SLIT2: variants seen among roughly 807,000 people sequenced by gnomAD.
SLIT2 encodes the protein slit guidance ligand 2, also known as slit homolog 2 protein.
In SLIT2, 41 loss-of-function variants were observed where a neutral mutation model predicts 185.7. That is an observed-to-expected ratio of 0.22 (90% CI 0.17 to 0.29). The LOEUF (loss-of-function observed/expected upper bound fraction) is 0.29. Ranked by LOEUF, SLIT2 falls within the 10% of genes least tolerant of loss-of-function variation. The pLI is 1.00. For synonymous variants in SLIT2, 693 were observed against 680.2 expected (o/e 1.02, Z -0.29); for missense variants, 1,571 against 1,909.0 (o/e 0.82, Z 3.30).
At chr4:20,374,812 G>C (rs1215939687) in intron 4 of SLIT2, among the ~76,000 whole-genome samples, 1 of 151,954 alleles carries the variant, frequency 6.6e-6, no homozygotes, top group Non-Finnish European at 1.5e-5. Context: ...TTAATGCATG[G>C]TTTCTTCGCT....
At chr4:20,257,781 G>A in intron 2 of SLIT2, 87 bp from the exon 3 acceptor site, 1 of 733,026 alleles carries the variant, frequency 1.4e-6, no homozygotes, top group Non-Finnish European at 2.4e-6. Context: ...TAAAGGGAAA[G>A]AGTTTACAAG....
chr4:20,414,367 C>G (rs1249967910), intron 4 of SLIT2, among the ~76,000 whole-genome samples: 1 of 152,078 alleles, frequency 6.6e-6, no homozygotes, highest in African/African-American at 2.4e-5. Flanking sequence ...TTGCTTTATG[C>G]AGTTGTTTTT....
intron 32 of SLIT2, 64 bp from the exon 33 acceptor site, chr4:20,598,201 C>G: frequency 1.3e-6 from 2 of 1,547,230 alleles, no homozygotes; most frequent in Non-Finnish European, 1.8e-6. Context: ...TTAGCAGTCT[C>G]TTTCTGATCA....
intron 4 of SLIT2, among the ~76,000 whole-genome samples, chr4:20,436,610 G>T (rs183902783): frequency 1.3e-5 from 2 of 152,208 alleles, no homozygotes; most frequent in Admixed American, 1.3e-4. Context: ...TTTAGATTGA[G>T]GTCTACAAAC....
At chr4:20,524,300 C>A in intron 14 of SLIT2, 123 bp downstream of exon 14, 1 of 821,504 alleles carries the variant, frequency 1.2e-6, no homozygotes, top group Non-Finnish European at 1.9e-6. Flanking sequence ...TTTCTTCTGC[C>A]CATGAATAAT....
At chr4:20,316,349 C>T (rs758275283) in intron 4 of SLIT2, among the ~76,000 whole-genome samples, 9 of 152,020 alleles carry the variant, frequency 5.9e-5, no homozygotes, top group Non-Finnish European at 8.8e-5. Context: ...CTTTTAAATA[C>T]GTCCTCAGTA....
intron 9 of SLIT2, among the ~76,000 whole-genome samples, chr4:20,494,769 C>T (rs1421546315): frequency 6.7e-6 from 1 of 148,298 alleles, no homozygotes; most frequent in African/African-American, 2.5e-5. Context: ...CAGAGCTAGA[C>T]TCCGTCTCAA....
At chr4:20,600,208 G>T (rs541342895) in intron 33 of SLIT2, among the ~76,000 whole-genome samples, 5 of 151,822 alleles carry the variant, frequency 3.3e-5, no homozygotes, top group African/African-American at 4.8e-5. Flanking sequence ...AGAAGCCATA[G>T]TAAAGGTTTT....
intron 1 of SLIT2, chr4:20,255,148 A>G: frequency 2.3e-6 from 1 of 428,308 alleles, no homozygotes; most frequent in East Asian, 7.1e-5. Context: ...GGCAGGGGCC[A>G]GCGCGTCTGG....
intron 4 of SLIT2, among the ~76,000 whole-genome samples, chr4:20,426,939 G>C (rs913616068): frequency 1.3e-5 from 2 of 152,098 alleles, no homozygotes; most frequent in African/African-American, 4.8e-5. Flanking sequence ...TTAAGAGTTA[G>C]GAGTAGAGTC....
chr4:20,365,342 T>A (rs1198724964), intron 4 of SLIT2, among the ~76,000 whole-genome samples: 1 of 152,152 alleles, frequency 6.6e-6, no homozygotes, highest in Non-Finnish European at 1.5e-5. Flanking sequence ...TCAGGGATGC[T>A]GTTAAGGACC....
intron 4 of SLIT2, among the ~76,000 whole-genome samples, chr4:20,366,449 A>G (rs1390656362): frequency 6.6e-6 from 1 of 152,156 alleles, no homozygotes; most frequent in African/African-American, 2.4e-5. Context: ...GGAGGAGAAT[A>G]GAATAGTAAG....
At chr4:20,617,748 AAC>A in intron 36 of SLIT2, 98 bp downstream of exon 36, 1 of 774,136 alleles carries the variant, frequency 1.3e-6, no homozygotes, top group Non-Finnish European at 2.1e-6. Context: ...AAAAAAAAAA[AAC>A]AGGAGCAACA....
chr4:20,334,464 T>G (rs1720329733), intron 4 of SLIT2, among the ~76,000 whole-genome samples: 1 of 152,122 alleles, frequency 6.6e-6, no homozygotes. Context: ...GCCAATAAAG[T>G]ATAATATAAA....
intron 11 of SLIT2, among the ~76,000 whole-genome samples, chr4:20,516,892 G>C (rs755746424): frequency 6.6e-6 from 1 of 151,444 alleles, no homozygotes; most frequent in Non-Finnish European, 1.5e-5. Context: ...CTTTTTTGCC[G>C]TTTACCCACT....
At chr4:20,483,181 T>C (rs1355324502) in intron 6 of SLIT2, among the ~76,000 whole-genome samples, 1 of 152,008 alleles carries the variant, frequency 6.6e-6, no homozygotes, top group African/African-American at 2.4e-5. Flanking sequence ...CCTTGAGCCA[T>C]TTGTGAATGT....
At chr4:20,460,799 T>C (rs1031594707) in intron 4 of SLIT2, among the ~76,000 whole-genome samples, 1 of 152,302 alleles carries the variant, frequency 6.6e-6, no homozygotes, top group Non-Finnish European at 1.5e-5. Flanking sequence ...TTCCACATGA[T>C]CTCACTTGTA....
intron 26 of SLIT2, among the ~76,000 whole-genome samples, chr4:20,561,486 T>C (rs1724687960): frequency 6.6e-6 from 1 of 151,736 alleles, no homozygotes; most frequent in Non-Finnish European, 1.5e-5. Context: ...GATATTGTCG[T>C]TAGTCGTTGA....
chr4:20,416,223 T>C (rs1283185504), intron 4 of SLIT2, among the ~76,000 whole-genome samples: 1 of 152,192 alleles, frequency 6.6e-6, no homozygotes, highest in African/African-American at 2.4e-5. Flanking sequence ...TTTCTCATAG[T>C]TCTGGAGGCT....
Sources: allele counts gnomAD v4.1 joint callset (sites outside exome capture counted in the v4.1 genomes callset), GRCh38; gene constraint gnomAD v4.1.1; transcripts MANE v1.5; gene names NCBI Gene and HGNC (gene_info 2026-07-23, HGNC 2026-07-21).